The following TCF24 variants were observed in gnomAD, a reference collection of about 807,000 sequenced individuals.
The protein encoded by TCF24 is transcription factor 24.
In TCF24, 5 loss-of-function variants were observed where a neutral mutation model predicts 9.3. That is an observed-to-expected ratio of 0.54 (90% CI 0.28 to 1.13). TCF24 has a LOEUF of 1.13. Among genes scored for constraint, TCF24 ranks in the 50% most tolerant of loss-of-function variants. The probability of loss-of-function intolerance (pLI) is 0.09; values close to 1 mark genes in which losing one functional copy is unlikely to be tolerated. For synonymous variants in TCF24, 110 were observed against 115.8 expected, an observed-to-expected ratio of 0.95 and a Z score of 0.32; for missense variants, 220 against 236.1, an observed-to-expected ratio of 0.93 and a Z score of 0.45.
At chr8:66,957,862 A>C (rs1279429149) in intron 3 of TCF24, among the ~76,000 whole-genome samples, 1 of 146,280 alleles carries the variant, frequency 6.8e-6, no homozygotes. Flanking sequence ...GTCCTCTTAC[A>C]TGCTATCCAG....
intron 3 of TCF24, among the ~76,000 whole-genome samples, chr8:66,951,217 T>C (rs1437603551): frequency 7.2e-6 from 1 of 138,466 alleles, no homozygotes; most frequent in Non-Finnish European, 1.5e-5. Context: ...AGTATGATAT[T>C]GGCTGTGGGT....
intron 3 of TCF24, among the ~76,000 whole-genome samples, chr8:66,957,254 C>CA (rs1396512905): frequency 6.6e-6 from 1 of 150,702 alleles, no homozygotes; most frequent in Non-Finnish European, 1.5e-5. Context: ...CTGTCTCTAC[C>CA]AAAAATACAA....
At chr8:66,948,956 A>C (rs190405120) in intron 3 of TCF24, among the ~76,000 whole-genome samples, 125 of 152,264 alleles carry the variant, frequency 8.2e-4, no homozygotes, top group Middle Eastern at 6.8e-3. Context: ...TCAGCCTCCC[A>C]AAGTGCTGGG....
chr8:66,948,797 G>T (rs546311139), intron 3 of TCF24, among the ~76,000 whole-genome samples: 3 of 152,136 alleles, frequency 2.0e-5, no homozygotes, highest in Admixed American at 2.0e-4. Flanking sequence ...CTGGGTTCAA[G>T]TGATTCTCCT....
intron 3 of TCF24, among the ~76,000 whole-genome samples, chr8:66,959,999 C>A (rs1814227568): frequency 6.6e-6 from 1 of 152,144 alleles, no homozygotes; most frequent in Non-Finnish European, 1.5e-5. Context: ...TGAATTATAT[C>A]TCCCATAAAG....
chr8:66,959,637 T>G (rs1404817431), intron 3 of TCF24, among the ~76,000 whole-genome samples: 5 of 152,250 alleles, frequency 3.3e-5, no homozygotes, highest in Non-Finnish European at 1.5e-5. Flanking sequence ...GGACTGAGTC[T>G]TATTAATTGT....
intron 3 of TCF24, among the ~76,000 whole-genome samples, chr8:66,960,392 CTAAGTCT>C (rs904384703): frequency 5.9e-5 from 9 of 152,104 alleles, no homozygotes; most frequent in African/African-American, 2.2e-4. Flanking sequence ...ATACTTAAAG[CTAAGTCT>C]TAAGTCTTAA....
In TCF24 at chr8:66,948,144, T is replaced by A; in HGVS notation, c.411A>T (p.Arg137Ser). ...HPVKKWPMRS[R>S]LYIGATGQFL... ...ACTGACCAGTAGCACCGATGTACAA[T>A]CTTGATCGCATGGGCCATTTCTGAA... is the stretch of plus-strand genomic sequence containing the variant. Residue 137 changes from arginine (R) to serine (S), a missense_variant, in exon 4 of 4, where the codon AGA (arginine) becomes AGT (serine). Physicochemically the swap from Arg to Ser is moderately radical, Grantham distance 110. Transcript: ENST00000563496. 6.5e-7 allele frequency: 1 copy of A among 1,532,304 alleles called. No individual in the cohort carries two copies. Among genetic ancestry groups the A allele is most frequent in the Non-Finnish European group, 8.7e-7 (1 of 1,146,030 alleles). 94.9% of individuals were successfully genotyped at this position (1,532,304 alleles called of 1,614,324 possible). A position where few individuals can be genotyped will look rare whatever the true frequency, so the allele number is the denominator to read the frequency against.
chr8:66,950,442 G>A (rs575749837), intron 3 of TCF24, among the ~76,000 whole-genome samples: 2 of 152,114 alleles, frequency 1.3e-5, no homozygotes, highest in African/African-American at 2.4e-5. Context: ...TGAGGGCTCT[G>A]TTCTGTTCCA....
chr8:66,948,664 T>TATCTATCTATCC (rs1814002045), intron 3 of TCF24, among the ~76,000 whole-genome samples: 1 of 147,772 alleles, frequency 6.8e-6, no homozygotes, highest in Non-Finnish European at 1.5e-5. Flanking sequence ...ACTATCTATC[T>TATCTATCTATCC]ATCTATCTAT....
chr8:66,948,613 A>ATG (rs1813999829), intron 3 of TCF24, among the ~76,000 whole-genome samples: 1 of 152,216 alleles, frequency 6.6e-6, no homozygotes. Context: ...ATGTGGTATT[A>ATG]TGTGTCTATA....
In TCF24 at chr8:66,947,164, C is replaced by T. The variant is rs1224847212; in HGVS notation, c.*887G>A. 6.6e-6 allele frequency: 1 copy of T among 152,050 alleles called. No individual in the cohort carries two copies. Among genetic ancestry groups the T allele is most frequent in the African/African-American group, 2.4e-5 (1 of 41,382 alleles). 9.4% of individuals were successfully genotyped at this position (152,050 alleles called of 1,614,324 possible). A position where few individuals can be genotyped will look rare whatever the true frequency, so the allele number is the denominator to read the frequency against. ...TTCTTGCAAAAAGATATGCTTCTGTCACATTATGAGTATATTCACATTAAA... is the reference window on the plus strand; with the variant it reads ...TTCTTGCAAAAAGATATGCTTCTGTTACATTATGAGTATATTCACATTAAA... On this transcript the variant is annotated 3_prime_UTR_variant, in exon 4 of 4. Transcript: ENST00000563496.
Position 66,957,501 on chromosome 8 carries a change from T to C in TCF24, c.390+3875A>G, listed in dbSNP as rs114126419. 2.0e-3 allele frequency among the ~76,000 whole-genome samples: 299 copies of C among 151,712 alleles called. 3 individuals carry two copies. Among genetic ancestry groups the C allele is most frequent in the African/African-American group, 6.4e-3 (263 of 41,380 alleles). On this transcript the variant is annotated intron_variant, in intron 3 of 3. Transcript: ENST00000563496. Reference sequence around the variant, plus strand: ...TGAGAACACAGAGAGAAGTGGGCCATCTACAAGCTAGCAAGATAGCCCTTC... The same window carrying C: ...TGAGAACACAGAGAGAAGTGGGCCACCTACAAGCTAGCAAGATAGCCCTTC...
intron 3 of TCF24, among the ~76,000 whole-genome samples, chr8:66,959,126 T>A (rs1429380941): frequency 1.3e-5 from 2 of 152,228 alleles, no homozygotes; most frequent in African/African-American, 4.8e-5. Flanking sequence ...ACCTAATTTT[T>A]AAAATTCTTA....
At position 66,953,716 on chromosome 8, in the gene TCF24, G is replaced by A. The variant is rs1176923517; in HGVS notation, c.391-5552C>T. Among the ~76,000 whole-genome samples, 204 of 147,418 alleles carry A rather than the reference G, an allele frequency of 1.4e-3. 1 individual carries two copies. The highest frequency in any genetic ancestry group is 4.5e-3 in the African/African-American group (184 of 40,978). On this transcript the variant is annotated intron_variant, in intron 3 of 3. Transcript: ENST00000563496. Reference sequence around the variant, plus strand: ...TTTCCAACTTGGTTCCATTCTCCCCGTCACTTTCAGGTACACCAATCAGAC... The same window carrying A: ...TTTCCAACTTGGTTCCATTCTCCCCATCACTTTCAGGTACACCAATCAGAC...
chr8:66,955,244 AATG>A (rs1563406783), intron 3 of TCF24: 1 of 152,206 alleles, frequency 6.6e-6, no homozygotes, highest in Non-Finnish European at 1.5e-5. Flanking sequence ...AGACAGACAT[AATG>A]ATGAAAAAAC....
At chr8:66,949,318 T>C (rs550987529) in intron 3 of TCF24, among the ~76,000 whole-genome samples, 4 of 151,536 alleles carry the variant, frequency 2.6e-5, no homozygotes, top group East Asian at 2.0e-4. Context: ...TGTGATCTCA[T>C]TGTTCAATTC....
At chr8:66,961,227 G>C in intron 3 of TCF24, 149 bp downstream of exon 3, 1 of 1,138,392 alleles carries the variant, frequency 8.8e-7, no homozygotes, top group Non-Finnish European at 1.1e-6. Context: ...CTTGCCACCA[G>C]TACCCTCGCG....
At chr8:66,957,959 CAA>C (rs1424512922) in intron 3 of TCF24, among the ~76,000 whole-genome samples, 1 of 120,490 alleles carries the variant, frequency 8.3e-6, no homozygotes, top group African/African-American at 3.2e-5. Context: ...AGTGTGGAGA[CAA>C]ATGAAGGCGT....
Sources: allele counts gnomAD v4.1 joint callset (sites outside exome capture counted in the v4.1 genomes callset), GRCh38; gene constraint gnomAD v4.1.1; transcripts MANE v1.5; gene names NCBI Gene and HGNC (gene_info 2026-07-23, HGNC 2026-07-21).